ABCC4: variants seen among roughly 807,000 people sequenced by gnomAD.
The protein encoded by ABCC4 is ATP binding cassette subfamily C member 4 (PEL blood group), also known as ATP-binding cassette sub-family C member 4.
In ABCC4, 102 loss-of-function variants were observed where a neutral mutation model predicts 168.5. The observed-to-expected ratio is 0.61, with a 90% CI of 0.52 to 0.71. ABCC4 has a LOEUF of 0.71. ABCC4 is among the 30% of genes least tolerant of loss of function. ABCC4 has a pLI of 0.00. For missense variants in ABCC4, 1,402 were observed against 1,605.8 expected, an observed-to-expected ratio of 0.87 and a Z score of 2.17; for synonymous variants, 617 against 590.7, an observed-to-expected ratio of 1.04 and a Z score of -0.65.
chr13:95,084,832 G>T (rs755813226), intron 20 of ABCC4, among the ~76,000 whole-genome samples: 3 of 152,124 alleles, frequency 2.0e-5, no homozygotes, highest in African/African-American at 2.4e-5. Context: ...ATTATCTTTG[G>T]AAATTACCTT....
At chr13:95,167,342 G>C (rs1326936795) in intron 14 of ABCC4, among the ~76,000 whole-genome samples, 2 of 152,048 alleles carry the variant, frequency 1.3e-5, no homozygotes, top group East Asian at 1.9e-4. Flanking sequence ...TTTACTATTT[G>C]TGTACCCCAT....
chr13:95,074,467 T>C lies in ABCC4; in HGVS notation c.2807-143A>G, dbSNP rs2033832225. On this transcript the variant is annotated intron_variant, in intron 22 of 30. Transcript: ENST00000645237. The stretch of plus-strand genomic sequence containing the variant: ...AAGGAACCTTTAGATTCCAGAAAGC[T>C]AAGTGATACAGGCAATATACGATAC... The C allele has an allele frequency of 1.6e-5, 10 of 634,150 alleles. No individual in the cohort carries two copies. The South Asian group carries it at 2.0e-4, about 12-fold the overall frequency. 39.3% of individuals were successfully genotyped at this position (634,150 alleles called of 1,614,324 possible).
intron 1 of ABCC4, among the ~76,000 whole-genome samples, chr13:95,269,158 C>A (rs898954040): frequency 6.6e-6 from 1 of 152,112 alleles, no homozygotes. Context: ...GTGAGTCATT[C>A]TAGCAGATTA....
At chr13:95,137,379 C>G (rs1308940718) in intron 19 of ABCC4, among the ~76,000 whole-genome samples, 1 of 152,146 alleles carries the variant, frequency 6.6e-6, no homozygotes, top group African/African-American at 2.4e-5. Context: ...GTCACAGTGG[C>G]ATTAATTTGT....
chr13:95,126,823 ATT>A (rs1406433709), intron 19 of ABCC4, among the ~76,000 whole-genome samples: 1 of 146,574 alleles, frequency 6.8e-6, no homozygotes, highest in African/African-American at 2.5e-5. Flanking sequence ...CACCATATAT[ATT>A]TATATATATT....
intron 3 of ABCC4, among the ~76,000 whole-genome samples, chr13:95,238,195 G>GAAAAAAAAAAA (rs10644641): frequency 1.5e-5 from 1 of 65,872 alleles, no homozygotes; most frequent in Admixed American, 1.8e-4. Flanking sequence ...CTCCATCTCA[G>GAAAAAAAAAAA]AAAAAAAAAA....
chr13:95,135,749 A>G (rs918086762), intron 19 of ABCC4, among the ~76,000 whole-genome samples: 2 of 152,178 alleles, frequency 1.3e-5, no homozygotes, highest in East Asian at 3.8e-4. Context: ...CTCACATTCT[A>G]AACACCCATA....
intron 1 of ABCC4, among the ~76,000 whole-genome samples, chr13:95,284,422 C>G (rs564118636): frequency 1.3e-5 from 2 of 152,284 alleles, no homozygotes; most frequent in South Asian, 4.1e-4. Flanking sequence ...CTCCTAGGCT[C>G]AAGCTATCCA....
chr13:95,060,472 C>T (rs902342152), intron 26 of ABCC4, among the ~76,000 whole-genome samples: 1 of 152,174 alleles, frequency 6.6e-6, no homozygotes, highest in African/African-American at 2.4e-5. Context: ...TAATGCAGGG[C>T]ACGTTCCTAG....
intron 25 of ABCC4, among the ~76,000 whole-genome samples, chr13:95,066,291 GA>G (rs1420508848): frequency 2.6e-5 from 4 of 152,180 alleles, no homozygotes; most frequent in African/African-American, 9.7e-5. Flanking sequence ...CCCTCGTGTG[GA>G]TTTCTCCCAC....
intron 19 of ABCC4, among the ~76,000 whole-genome samples, chr13:95,159,192 T>C (rs571187700): frequency 1.4e-5 from 2 of 144,622 alleles, no homozygotes; most frequent in East Asian, 4.1e-4. Flanking sequence ...ACAGATTTTG[T>C]GTATCCTTCA....
chr13:95,117,746 C>A (rs1311729767), intron 19 of ABCC4, among the ~76,000 whole-genome samples: 1 of 150,092 alleles, frequency 6.7e-6, no homozygotes, highest in East Asian at 1.9e-4. Flanking sequence ...AAGTATGGTT[C>A]AGCTTTTAAA....
At chr13:95,125,951 G>A (rs2035744071) in intron 19 of ABCC4, among the ~76,000 whole-genome samples, 1 of 152,128 alleles carries the variant, frequency 6.6e-6, no homozygotes, top group African/African-American at 2.4e-5. Context: ...AGAATCTCTA[G>A]GACGACTGCT....
chr13:95,225,881 T>G (rs1277389842), intron 4 of ABCC4, among the ~76,000 whole-genome samples: 2 of 146,310 alleles, frequency 1.4e-5, no homozygotes, highest in Non-Finnish European at 3.0e-5. Flanking sequence ...ATGCCTGTAA[T>G]CCCAACACTT....
intron 9 of ABCC4, among the ~76,000 whole-genome samples, chr13:95,189,182 G>A (rs1415410685): frequency 1.4e-5 from 2 of 147,202 alleles, no homozygotes; most frequent in East Asian, 2.0e-4. Context: ...CGCCCAGGCG[G>A]GAGTGCTGTG....
intron 17 of ABCC4, among the ~76,000 whole-genome samples, 182 bp from the exon 18 acceptor site, chr13:95,163,398 G>A (rs1476603746): frequency 6.6e-6 from 1 of 152,044 alleles, no homozygotes; most frequent in Non-Finnish European, 1.5e-5. Context: ...TTCAGTTCCC[G>A]AAACTGTCTG....
intron 15 of ABCC4, among the ~76,000 whole-genome samples, chr13:95,165,830 G>C (rs187824111): frequency 6.6e-6 from 1 of 152,120 alleles, no homozygotes; most frequent in East Asian, 1.9e-4. Flanking sequence ...AGAGAAGTCG[G>C]GGGCCACCAG....
chr13:95,248,530 G>A (rs1454259223), intron 1 of ABCC4, among the ~76,000 whole-genome samples: 1 of 151,830 alleles, frequency 6.6e-6, no homozygotes, highest in East Asian at 1.9e-4. Flanking sequence ...AATCAAAATG[G>A]TCATCCATTA....
At chr13:95,199,393 T>C (rs10129147) in intron 8 of ABCC4, among the ~76,000 whole-genome samples, 3,301 of 152,158 alleles carry the variant, frequency 0.022, 119 homozygotes, top group African/African-American at 0.075. Flanking sequence ...TTTAGAGAAA[T>C]AGGAAAGGAG....
Sources: allele counts gnomAD v4.1 joint callset (sites outside exome capture counted in the v4.1 genomes callset), GRCh38; gene constraint gnomAD v4.1.1; transcripts MANE v1.5; gene names NCBI Gene and HGNC (gene_info 2026-07-23, HGNC 2026-07-21).